EGLN2: variants seen among roughly 807,000 people sequenced by gnomAD.
The protein encoded by EGLN2 is egl-9 family hypoxia inducible factor 2.
In EGLN2, 15 loss-of-function variants were observed where a neutral mutation model predicts 38.2. The ratio of observed to expected loss-of-function variants is 0.39; its 90% CI spans 0.26 to 0.60. The LOEUF (loss-of-function observed/expected upper bound fraction) is 0.60. Among genes scored for constraint, EGLN2 ranks in the 20% least tolerant of loss-of-function variants. EGLN2 has a pLI of 0.50. For synonymous variants in EGLN2, 284 were observed against 237.4 expected (o/e 1.20, Z -1.81); for missense variants, 492 against 570.4 (o/e 0.86, Z 1.40).
At chr19:40,803,869 C>CAATA in intron 2 of EGLN2, among the ~76,000 whole-genome samples, 1 of 152,134 alleles carries the variant, frequency 6.6e-6, no homozygotes, top group Non-Finnish European at 1.5e-5. Flanking sequence ...AGATTGTCAC[C>CAATA]AATAGCCTTT....
chr19:40,800,591 C>G lies in EGLN2; in HGVS notation c.19C>G (p.Pro7Ala). Reference protein sequence around the residue: MDSPCQPQPLSQALPQL... With the variant: MDSPCQAQPLSQALPQL... ...TGCTGCCATGGACAGCCCGTGCCAG[C>G]CGCAGCCCCTAAGTCAGGCTCTCCC... is the stretch of plus-strand genomic sequence containing the variant. The change falls in exon 2 of 6, where the codon CCG becomes GCG. Residue 7 changes from proline (P) to alanine (A), a missense_variant. This residue lies in a region of EGLN2 where 378 missense variants were observed against 386.2 expected (regional missense o/e 0.98). Coordinates refer to ENST00000303961, the MANE Select transcript of EGLN2 (RefSeq NM_080732.4). The G allele has an allele frequency of 6.2e-7, 1 of 1,605,372 alleles. No individual in the cohort carries two copies. Among genetic ancestry groups the G allele is most frequent in the Non-Finnish European group, 8.5e-7 (1 of 1,175,304 alleles).
rs1475911973 is a variant in EGLN2 at position 40,808,021 on chromosome 19, G to A, written c.*157G>A. 5.5e-6 allele frequency: 4 copies of A among 729,338 alleles called. No individual in the cohort carries two copies. The highest frequency in any genetic ancestry group is 2.7e-5 in the East Asian group (1 of 37,032). 45.2% of individuals were successfully genotyped at this position (729,338 alleles called of 1,614,324 possible). A position where few individuals can be genotyped will look rare whatever the true frequency, so the allele number is the denominator to read the frequency against. The stretch of plus-strand genomic sequence containing the variant: ...TCTGTCTGTTGCTGAGGACCAAGGA[G>A]GAGAAGAGACCTTTGCTGCCCCATC... On this transcript the variant is annotated 3_prime_UTR_variant, in exon 6 of 6. Transcript: ENST00000303961.
intron 2 of EGLN2, chr19:40,805,480 G>A (rs534938484): frequency 6.6e-6 from 1 of 152,374 alleles, no homozygotes; most frequent in South Asian, 2.1e-4. Context: ...TGAAATAGCT[G>A]TGAGCTCCAT....
At chr19:40,806,782 GT>G in intron 3 of EGLN2, 108 bp downstream of exon 3, 1 of 1,456,312 alleles carries the variant, frequency 6.9e-7, no homozygotes. Context: ...GCATTCTCCT[GT>G]TTCTCTTCTC....
Position 40,807,792 on chromosome 19 carries a change from TC to T in EGLN2, c.1169-13del. 6.2e-7 allele frequency: 1 copy of T among 1,613,850 alleles called. No individual in the cohort carries two copies. The highest frequency in any genetic ancestry group is 8.5e-7 in the Non-Finnish European group (1 of 1,179,848). ...CCTTCTGATGACTCACTGTCTCCTG[TC>T]CCCTCTCACCCCCAGCATCAGGACA... is the stretch of plus-strand genomic sequence containing the variant. On this transcript the variant is annotated splice_polypyrimidine_tract_variant and intron_variant, in intron 5 of 5. Coordinates refer to ENST00000303961, the MANE Select transcript of EGLN2 (RefSeq NM_080732.4).
In EGLN2 at chr19:40,800,432, T is replaced by C; in HGVS notation, c.-141T>C. ...CAGGGCACGAGAAGAGCTCTTGCTG[T>C]CTGCCCTGCCTCACCCTGCCCCACG... is the stretch of plus-strand genomic sequence containing the variant. On this transcript the variant is annotated 5_prime_UTR_variant, in exon 2 of 6. Transcript: ENST00000303961. 7.7e-7 allele frequency: 1 copy of C among 1,300,588 alleles called. No individual in the cohort carries two copies. The allele number at this position is 1,300,588 out of a possible 1,614,324, so 80.6% of individuals were successfully genotyped here. A position where few individuals can be genotyped will look rare whatever the true frequency, so the allele number is the denominator to read the frequency against.
At chr19:40,800,242 G>C (rs1249206180) in intron 1 of EGLN2, 97 bp from the exon 2 acceptor site, 1 of 296,046 alleles carries the variant, frequency 3.4e-6, no homozygotes, top group African/African-American at 2.1e-5. Flanking sequence ...AGTCTGTCCT[G>C]GTCGTCTTCC....
In EGLN2 at chr19:40,801,216, G is replaced by A. The variant is rs1483477472; in HGVS notation, c.644G>A (p.Arg215Gln). The A allele has an allele frequency of 9.3e-6, 15 of 1,612,426 alleles. No homozygotes were observed. Among genetic ancestry groups the A allele is most frequent in the Non-Finnish European group, 1.2e-5 (14 of 1,179,902 alleles). ...CTGGCCGAGGTGGAGGCCCTCAAACGGGGTGGGCGCCTGCGAGACGGGCAG... is the reference window on the plus strand; with the variant it reads ...CTGGCCGAGGTGGAGGCCCTCAAACAGGGTGGGCGCCTGCGAGACGGGCAG... ...RVLAEVEALK[R>Q]GGRLRDGQLV... is the part of the protein sequence containing the mutation. Residue 215 changes from arginine to glutamine, a missense_variant, in exon 2 of 6, where the codon CGG (arginine) becomes CAG (glutamine). Arg to Gln is a conservative substitution (Grantham distance 43). Coordinates refer to ENST00000303961, the MANE Select transcript of EGLN2 (RefSeq NM_080732.4).
chr19:40,801,651 CTTT>C (rs58809253), intron 2 of EGLN2, among the ~76,000 whole-genome samples: 17,667 of 102,706 alleles, frequency 0.17, 760 homozygotes, highest in African/African-American at 0.23. Context: ...CACAGTGGTT[CTTT>C]TTTTTTTTTT....
chr19:40,802,149 T>C (rs1252739702), intron 2 of EGLN2, among the ~76,000 whole-genome samples: 1 of 152,064 alleles, frequency 6.6e-6, no homozygotes. Flanking sequence ...ATCCATCCTG[T>C]CTCCAAGGCA....
Position 40,800,650 on chromosome 19 carries a change from G to C in EGLN2, c.78G>C (p.Glu26Asp), listed in dbSNP as rs73047080. The C allele has an allele frequency of 1.4e-3, 2,227 of 1,614,020 alleles. 21 individuals carry two copies. In the South Asian group the frequency reaches 0.015, roughly 11 times the overall value. ...QLPGSSSEPL[E>D]PEPGRARMGV... ...CAGGGTCTTCGTCAGAGCCCTTGGA[G>C]CCTGAGCCTGGCCGGGCCAGGATGG... The change falls in exon 2 of 6, where the codon GAG (glutamate) becomes GAC (aspartate). Residue 26 changes from glutamate to aspartate, a missense_variant. Coordinates refer to ENST00000303961, the MANE Select transcript of EGLN2 (RefSeq NM_080732.4).
At chr19:40,800,316 C>G (rs1226044380) in intron 1 of EGLN2, 23 bp from the exon 2 acceptor site, 2 of 399,286 alleles carry the variant, frequency 5.0e-6, no homozygotes, top group East Asian at 4.0e-5. Context: ...TCTCACATCC[C>G]TTTTTTTTTT....
Position 40,800,415 on chromosome 19 carries a change from G to C in EGLN2, c.-158G>C, listed in dbSNP as rs2083245837. 5 of 1,172,432 alleles carry C rather than the reference G, an allele frequency of 4.3e-6. No homozygotes were observed. The highest frequency in any genetic ancestry group is 5.8e-6 in the Non-Finnish European group (5 of 862,942). 72.6% of individuals were successfully genotyped at this position (1,172,432 alleles called of 1,614,324 possible). ...GACCAGCAAGCAACCCCCAGGGCACGAGAAGAGCTCTTGCTGTCTGCCCTG... is the reference window on the plus strand; with the variant it reads ...GACCAGCAAGCAACCCCCAGGGCACCAGAAGAGCTCTTGCTGTCTGCCCTG... On this transcript the variant is annotated 5_prime_UTR_variant, in exon 2 of 6. Transcript: ENST00000303961.
At position 40,807,466 on chromosome 19, in the gene EGLN2, A is replaced by G. The variant is rs533007215; in HGVS notation, c.1101-18A>G. 3.9e-5 allele frequency: 63 copies of G among 1,613,958 alleles called. No individual in the cohort carries two copies. The South Asian group carries it at 6.7e-4, about 17-fold the overall frequency. On this transcript the variant is annotated intron_variant, in intron 4 of 5. Transcript: ENST00000303961. Reference sequence around the variant, plus strand: ...CTGGAATTGCAGAAAACTAATGTCCAACCACCCTGGTCTCCAGGTACGCCA... The same window carrying G: ...CTGGAATTGCAGAAAACTAATGTCCGACCACCCTGGTCTCCAGGTACGCCA...
chr19:40,807,067 C>T (rs570610920), intron 3 of EGLN2, 71 bp from the exon 4 acceptor site: 4 of 1,595,404 alleles, frequency 2.5e-6, no homozygotes, highest in East Asian at 4.5e-5. Context: ...TCCTAGTGGG[C>T]TCCCGGGGCA....
intron 2 of EGLN2, chr19:40,805,771 C>T (rs756383200): frequency 2.6e-5 from 4 of 152,266 alleles, no homozygotes; most frequent in Non-Finnish European, 5.9e-5. Flanking sequence ...TGTTAGATCT[C>T]CAGGAGTTGG....
In EGLN2 at chr19:40,807,348, C is replaced by G. The variant is rs1202197830; in HGVS notation, c.1100+74C>G. On this transcript the variant is annotated intron_variant, in intron 4 of 5. Transcript: ENST00000303961. The stretch of plus-strand genomic sequence containing the variant: ...ATGTCCTGTCAGAGCCTCAGAGTGA[C>G]TAGGGAGCGACGAAGTATTGAGAGG... 4 of 1,608,394 alleles carry G rather than the reference C, an allele frequency of 2.5e-6. No individual in the cohort carries two copies. In the African/African-American group the frequency reaches 5.3e-5, roughly 22 times the overall value.
At chr19:40,799,463 C>T (rs976613964) in intron 1 of EGLN2, 1 of 5,986 alleles carries the variant, frequency 1.7e-4, no homozygotes, top group African/African-American at 8.4e-4. Flanking sequence ...GGGGTGGGGG[C>T]GGGGAGCGCG....
rs759173256 is a variant in EGLN2, at chr19:40,801,097, G to A, written c.525G>A (p.Glu175=). ...AGGAGGCGCTGCCCTCTGCGCCCGA[G>A]CGCCTGGCCCTGGACTATATCGTGC... ...LMEEALPSAP[E]RLALDYIVPC... The change falls in exon 2 of 6, where the codon GAG becomes GAA. Residue 175 remains glutamate (E), a synonymous_variant. Coordinates refer to ENST00000303961, the MANE Select transcript of EGLN2 (RefSeq NM_080732.4). 15 of 1,612,796 alleles carry A rather than the reference G, an allele frequency of 9.3e-6. No individual in the cohort carries two copies. Among genetic ancestry groups the A allele is most frequent in the Non-Finnish European group, 1.1e-5 (13 of 1,179,942 alleles).
Sources: gnomAD v4.1 joint callset for allele counts (sites outside exome capture counted in the v4.1 genomes callset) on GRCh38, gnomAD v4.1.1 for gene constraint, gnomAD v4.1.1 regional missense constraint, MANE v1.5 for transcripts, NCBI Gene and HGNC (gene_info 2026-07-23, HGNC 2026-07-21) for gene names.